PCBP3: variants seen among roughly 807,000 people sequenced by gnomAD.
PCBP3 encodes poly(rC)-binding protein 3.
Under a neutral mutation model 52.7 loss-of-function variants are expected in PCBP3, and 25 were observed. That is an observed-to-expected ratio of 0.47 (90% CI 0.35 to 0.66). The LOEUF (loss-of-function observed/expected upper bound fraction) is 0.66, where lower values mean the gene tolerates loss of function less well. PCBP3 is among the 30% of genes least tolerant of loss of function. The pLI is 0.01. For missense variants in PCBP3, 391 were observed against 490.3 expected (o/e 0.80, Z 1.91); for synonymous variants, 162 against 183.0 (o/e 0.89, Z 0.93).
At chr21:45,874,690 TAGAG>T (rs946402393) in intron 5 of PCBP3, among the ~76,000 whole-genome samples, 9 of 152,092 alleles carry the variant, frequency 5.9e-5, no homozygotes, top group Non-Finnish European at 8.8e-5. Context: ...GTATTTTTAG[TAGAG>T]AGGGTTTTGC....
At chr21:45,918,074 T>TTTTTTTAATGATA in intron 13 of PCBP3, 1 of 265,920 alleles carries the variant, frequency 3.8e-6, no homozygotes, top group African/African-American at 2.2e-5. Flanking sequence ...ACTCCCCCTT[T>TTTTTTTAATGATA]CAGAGTCCAC....
intron 4 of PCBP3, among the ~76,000 whole-genome samples, chr21:45,774,710 A>C (rs1329349346): frequency 3.3e-5 from 5 of 151,960 alleles, no homozygotes; most frequent in Non-Finnish European, 7.4e-5. Context: ...GTTTGTTGAG[A>C]GTTTTTATCA....
chr21:45,909,279 G>T lies in PCBP3; in HGVS notation c.340-76G>T, dbSNP rs141032876. ...GTGGGCTTCTGAGTGTGGGAAGTCA[G>T]GACACACCCCCTGCCCTCCTGCTTT... On this transcript the variant is annotated intron_variant, in intron 9 of 17. Coordinates refer to ENST00000681687, the MANE Select transcript of PCBP3 (RefSeq NM_001384156.1). 1,108 of 1,494,790 alleles carry T rather than the reference G, an allele frequency of 7.4e-4. 9 individuals are homozygous for T. In the African/African-American group the frequency reaches 0.014, roughly 19 times the overall value. 92.6% of individuals were successfully genotyped at this position (1,494,790 alleles called of 1,614,324 possible).
At chr21:45,767,036 C>A (rs1473383176) in intron 4 of PCBP3, among the ~76,000 whole-genome samples, 1 of 152,110 alleles carries the variant, frequency 6.6e-6, no homozygotes, top group African/African-American at 2.4e-5. Flanking sequence ...AGGGGTCACT[C>A]CCCTCCCCCC....
chr21:45,847,797 C>G (rs769762324), intron 4 of PCBP3, among the ~76,000 whole-genome samples: 1 of 152,192 alleles, frequency 6.6e-6, no homozygotes, highest in Non-Finnish European at 1.5e-5. Flanking sequence ...TTCAGGGCCA[C>G]CGTTCTGGGT....
At chr21:45,680,232 C>T (rs527572561) in intron 2 of PCBP3, among the ~76,000 whole-genome samples, 2 of 152,214 alleles carry the variant, frequency 1.3e-5, no homozygotes, top group South Asian at 2.1e-4. Flanking sequence ...TATTTTAGAA[C>T]CAACTTCTCT....
intron 5 of PCBP3, among the ~76,000 whole-genome samples, chr21:45,881,666 G>A (rs893516285): frequency 2.0e-5 from 3 of 152,276 alleles, no homozygotes; most frequent in African/African-American, 2.4e-5. Context: ...TCCCCAGCCT[G>A]TTTGACTCCC....
chr21:45,903,477 GA>G (rs1275113083), intron 9 of PCBP3, among the ~76,000 whole-genome samples: 1 of 152,072 alleles, frequency 6.6e-6, no homozygotes, highest in African/African-American at 2.4e-5. Flanking sequence ...CATTTGATGA[GA>G]CTGGCATGTC....
chr21:45,873,267 C>T (rs912017436), intron 5 of PCBP3: 7 of 152,240 alleles, frequency 4.6e-5, no homozygotes, highest in African/African-American at 1.7e-4. Flanking sequence ...TTCAAGACCT[C>T]TGCCCACTCC....
At chr21:45,892,470 T>TG (rs547143010) in intron 5 of PCBP3, among the ~76,000 whole-genome samples, 866 of 79,704 alleles carry the variant, frequency 0.011, 12 homozygotes, top group African/African-American at 0.056. Flanking sequence ...TGACGGGGCG[T>TG]GGGGGGGGGG....
In PCBP3 at chr21:45,904,088, T is replaced by C. The variant is rs1381771816; in HGVS notation, c.339+2975T>C. On this transcript the variant is annotated intron_variant, in intron 9 of 17. Coordinates refer to ENST00000681687, the MANE Select transcript of PCBP3 (RefSeq NM_001384156.1). This position sits in a 1 kb window ranked among gnomAD's most constrained non-coding sequence, Gnocchi z 4.8. ...CTGGTTGAAGGTCCTAAGGAGGATG[T>C]TTGGGAAGATGTCATGGGAAGCAGC... 1.3e-5 allele frequency among the ~76,000 whole-genome samples: 2 copies of C among 152,164 alleles called. No individual in the cohort carries two copies. Among genetic ancestry groups the C allele is most frequent in the African/African-American group, 4.8e-5 (2 of 41,430 alleles).
chr21:45,909,907 GC>G (rs1234874426), intron 10 of PCBP3, among the ~76,000 whole-genome samples: 30 of 57,138 alleles, frequency 5.3e-4, no homozygotes, highest in East Asian at 6.8e-4. Context: ...TACAGACCCG[GC>G]CCACCCACTG....
At chr21:45,839,665 G>T (rs957730665) in intron 4 of PCBP3, among the ~76,000 whole-genome samples, 1 of 152,138 alleles carries the variant, frequency 6.6e-6, no homozygotes, top group Non-Finnish European at 1.5e-5. Flanking sequence ...ACGCTAATGT[G>T]TGTGTTTATG....
intron 5 of PCBP3, among the ~76,000 whole-genome samples, chr21:45,876,185 C>T (rs949283673): frequency 7.9e-5 from 12 of 152,228 alleles, no homozygotes; most frequent in African/African-American, 2.7e-4. Flanking sequence ...CACGTGCATC[C>T]ATCACAGCCA....
chr21:45,815,293 G>A (rs2092872810), intron 4 of PCBP3, among the ~76,000 whole-genome samples: 1 of 65,780 alleles, frequency 1.5e-5, no homozygotes, highest in Non-Finnish European at 3.1e-5. Context: ...AGTGATGAGT[G>A]GTGAGTGGTG....
chr21:45,713,516 C>G (rs142667630), intron 2 of PCBP3, among the ~76,000 whole-genome samples: 2 of 152,304 alleles, frequency 1.3e-5, no homozygotes, highest in East Asian at 3.9e-4. Flanking sequence ...GAATGTTGTC[C>G]CTCACTAACG....
At chr21:45,836,102 G>A (rs1472488640) in intron 4 of PCBP3, among the ~76,000 whole-genome samples, 1 of 152,230 alleles carries the variant, frequency 6.6e-6, no homozygotes, top group African/African-American at 2.4e-5. Flanking sequence ...CAGCCTTACA[G>A]AGGGGCTGCC....
At chr21:45,669,785 CA>C in intron 2 of PCBP3, among the ~76,000 whole-genome samples, 1 of 98,592 alleles carries the variant, frequency 1.0e-5, no homozygotes, top group Non-Finnish European at 1.9e-5. Flanking sequence ...AATAATATTC[CA>C]TTGTGTGTGT....
intron 2 of PCBP3, among the ~76,000 whole-genome samples, chr21:45,681,459 G>A (rs1167252939): frequency 6.6e-6 from 1 of 152,126 alleles, no homozygotes; most frequent in African/African-American, 2.4e-5. Context: ...TTAGGATGGG[G>A]TTACATCCTG....
Sources: gnomAD v4.1 joint callset for allele counts (sites outside exome capture counted in the v4.1 genomes callset) on GRCh38, gnomAD v4.1.1 for gene constraint, Gnocchi (gnomAD v3.1) non-coding constraint, MANE v1.5 for transcripts, NCBI Gene and HGNC (gene_info 2026-07-23, HGNC 2026-07-21) for gene names.